The following MAST4 variants were observed in gnomAD, a reference collection of about 807,000 sequenced individuals.
MAST4 encodes the protein microtubule associated serine/threonine kinase family member 4.
MAST4 carries 89 observed loss-of-function variants against 162.7 expected under a neutral mutation model. That is an observed-to-expected ratio of 0.55 (90% CI 0.46 to 0.65). The LOEUF (loss-of-function observed/expected upper bound fraction) is 0.65. Ranked by LOEUF, MAST4 falls within the 30% of genes least tolerant of loss-of-function variation. The pLI is 0.00. For synonymous variants in MAST4, 1,479 were observed against 1,361.1 expected (o/e 1.09, Z -1.91); for missense variants, 3,153 against 3,374.0 (o/e 0.93, Z 1.62).
chr5:66,939,820 AC>A (rs1168030073), intron 4 of MAST4, among the ~76,000 whole-genome samples: 1 of 152,098 alleles, frequency 6.6e-6, no homozygotes. Context: ...GCAGCACACA[AC>A]TTTTTTGATT....
chr5:66,910,741 C>CTTGTTTTTTT (rs1763690571), intron 4 of MAST4, among the ~76,000 whole-genome samples: 1 of 20,090 alleles, frequency 5.0e-5, no homozygotes, highest in African/African-American at 1.2e-4. Context: ...TTTTTTTTTT[C>CTTGTTTTTTT]TTTTTTTTTT....
intron 1 of MAST4, among the ~76,000 whole-genome samples, chr5:66,620,046 G>GC (rs1491046454): frequency 1.2e-5 from 1 of 82,740 alleles, no homozygotes; most frequent in African/African-American, 4.9e-5. Context: ...GACTTAGGTT[G>GC]CTTTTTTTTT....
At chr5:66,638,054 A>C (rs1745237239) in intron 1 of MAST4, among the ~76,000 whole-genome samples, 3 of 152,134 alleles carry the variant, frequency 2.0e-5, no homozygotes, top group Admixed American at 1.3e-4. Flanking sequence ...TCTTAATTAA[A>C]TTTTTATTGT....
intron 1 of MAST4, among the ~76,000 whole-genome samples, chr5:66,717,668 AATAG>A (rs1303402260): frequency 2.6e-5 from 4 of 152,228 alleles, no homozygotes; most frequent in Non-Finnish European, 5.9e-5. Context: ...CTAGGCATTT[AATAG>A]ATCTCCATGT....
chr5:67,074,147 G>A (rs535559295), intron 5 of MAST4, among the ~76,000 whole-genome samples: 47 of 151,554 alleles, frequency 3.1e-4, no homozygotes, highest in African/African-American at 1.1e-3. Context: ...AATAGGCAAA[G>A]GACATGAACG....
At chr5:66,755,845 G>A (rs547236849) in intron 1 of MAST4, among the ~76,000 whole-genome samples, 17 of 152,260 alleles carry the variant, frequency 1.1e-4, no homozygotes, top group African/African-American at 4.1e-4. Flanking sequence ...TTAACTATGT[G>A]CTTTTAATTC....
At chr5:66,748,802 C>A (rs1415186288) in intron 1 of MAST4, among the ~76,000 whole-genome samples, 1 of 151,760 alleles carries the variant, frequency 6.6e-6, no homozygotes, top group Non-Finnish European at 1.5e-5. Context: ...CCATTTCTTA[C>A]AGTATCATTA....
At chr5:66,659,683 T>C (rs190566892) in intron 1 of MAST4, among the ~76,000 whole-genome samples, 103 of 152,380 alleles carry the variant, frequency 6.8e-4, no homozygotes, top group African/African-American at 2.3e-3. Flanking sequence ...TATTTTTCCA[T>C]GTCTTTCATA....
chr5:66,972,135 A>T (rs1351874297), intron 4 of MAST4, among the ~76,000 whole-genome samples: 1 of 152,242 alleles, frequency 6.6e-6, no homozygotes, highest in Admixed American at 6.5e-5. Flanking sequence ...TATTAGTGTC[A>T]TACCATTCTT....
chr5:66,887,733 A>G lies in MAST4; in HGVS notation c.643-12218A>G, dbSNP rs371641075. On this transcript the variant is annotated intron_variant, in intron 3 of 28. Coordinates refer to ENST00000403625, the MANE Select transcript of MAST4 (RefSeq NM_001164664.2). ...CTTACATGAAATCCTGTGTGAGAAA[A>G]TGTCCCTTTCAAGAATAAAGTTGAT... Among the ~76,000 whole-genome samples, 302 of 152,334 alleles carry G rather than the reference A, an allele frequency of 2.0e-3. 1 individual carries two copies. Among genetic ancestry groups the G allele is most frequent in the African/African-American group, 6.9e-3 (287 of 41,580 alleles).
intron 3 of MAST4, among the ~76,000 whole-genome samples, chr5:66,836,867 C>T (rs868500389): frequency 6.6e-6 from 1 of 152,080 alleles, no homozygotes; most frequent in South Asian, 2.1e-4. Context: ...ATGGAAGAAT[C>T]TGTACACTAA....
Position 67,031,645 on chromosome 5 carries a change from A to G in MAST4, c.675-22759A>G, listed in dbSNP as rs74859253. ...TTGTAAAATACATGTTAATTGGCAT[A>G]ACACCATTAAACCTGATTGTGCTGA... On this transcript the variant is annotated intron_variant, in intron 4 of 28. Transcript: ENST00000403625. 5.3e-3 allele frequency among the ~76,000 whole-genome samples: 807 copies of G among 152,270 alleles called. 18 individuals are homozygous for G. The highest frequency in any genetic ancestry group is 0.05 in the East Asian group (260 of 5,174).
chr5:67,144,721 A>T lies in MAST4; in HGVS notation c.2783A>T (p.Asp928Val). 1 of 1,613,946 alleles carries T rather than the reference A, an allele frequency of 6.2e-7. No individual in the cohort carries two copies. The highest frequency in any genetic ancestry group is 1.6e-4 in the Middle Eastern group (1 of 6,062). ...ITQNSAEEKEDSVDKTKSTTL... is the reference protein window; with the variant it reads ...ITQNSAEEKEVSVDKTKSTTL... ...CAGAATTCAGCAGAAGAGAAGGAAG[A>T]CTCTGTGGACAAAACCAAAAGCACC... The change falls in exon 22 of 29, where the codon GAC becomes GTC. Residue 928 changes from aspartate to valine, a missense_variant. By Grantham distance (152) the Asp-to-Val change is radical. Coordinates refer to ENST00000403625, the MANE Select transcript of MAST4 (RefSeq NM_001164664.2).
intron 3 of MAST4, among the ~76,000 whole-genome samples, chr5:66,839,491 T>C (rs1019498496): frequency 6.6e-6 from 1 of 152,210 alleles, no homozygotes; most frequent in Non-Finnish European, 1.5e-5. Context: ...TTAACACTTA[T>C]TTTGCAGGAA....
intron 1 of MAST4, among the ~76,000 whole-genome samples, chr5:66,700,668 CAG>C (rs1749706047): frequency 6.6e-6 from 1 of 151,554 alleles, no homozygotes; most frequent in South Asian, 2.1e-4. Flanking sequence ...TGGGCAACAA[CAG>C]AGTGAGACTC....
intron 5 of MAST4, among the ~76,000 whole-genome samples, chr5:67,084,756 T>C (rs1302993607): frequency 6.6e-6 from 1 of 152,196 alleles, no homozygotes; most frequent in African/African-American, 2.4e-5. Flanking sequence ...CAAACTTTAA[T>C]ATCTAGCCTG....
Position 66,750,138 on chromosome 5 carries a change from G to A in MAST4, c.364-9571G>A, listed in dbSNP as rs1207945589. 2.0e-5 allele frequency among the ~76,000 whole-genome samples: 3 copies of A among 152,168 alleles called. No individual in the cohort carries two copies. In the East Asian group the frequency reaches 5.8e-4, roughly 29 times the overall value. On this transcript the variant is annotated intron_variant, in intron 1 of 28. Coordinates refer to ENST00000403625, the MANE Select transcript of MAST4 (RefSeq NM_001164664.2). ...TCTTCATAATCTATGTTATGAATCAGTCTCTTCTCTTTTTTTAAGCATAAA... is the reference window on the plus strand; with the variant it reads ...TCTTCATAATCTATGTTATGAATCAATCTCTTCTCTTTTTTTAAGCATAAA...
intron 1 of MAST4, among the ~76,000 whole-genome samples, chr5:66,717,187 A>G (rs961423857): frequency 4.6e-5 from 7 of 152,104 alleles, no homozygotes; most frequent in Non-Finnish European, 1.0e-4. Context: ...CAGGTGAGGG[A>G]GGAGGCTACC....
At chr5:66,900,350 A>C (rs1291947963) in intron 4 of MAST4, among the ~76,000 whole-genome samples, 1 of 152,078 alleles carries the variant, frequency 6.6e-6, no homozygotes, top group South Asian at 2.1e-4. Context: ...TGGATTTTAC[A>C]TGGAGTAAAT....
Sources: gnomAD v4.1 joint callset for allele counts (sites outside exome capture counted in the v4.1 genomes callset) on GRCh38, gnomAD v4.1.1 for gene constraint, MANE v1.5 for transcripts, NCBI Gene and HGNC (gene_info 2026-07-23, HGNC 2026-07-21) for gene names.